NCOR1: variants seen among roughly 807,000 people sequenced by gnomAD.
NCOR1 encodes nuclear receptor corepressor 1.
Under a neutral mutation model 288.1 loss-of-function variants are expected in NCOR1, and 63 were observed. The observed-to-expected ratio is 0.22, with a 90% CI of 0.18 to 0.27. NCOR1 has a LOEUF of 0.27. NCOR1 is among the 10% of genes least tolerant of loss of function. The pLI, the probability that NCOR1 is intolerant of heterozygous loss-of-function variation, is 1.00. For synonymous variants in NCOR1, 1,007 were observed against 1,065.9 expected (o/e 0.94, Z 1.08); for missense variants, 2,397 against 3,019.2 (o/e 0.79, Z 4.83).
chr17:16,159,047 T>G (rs80034419), intron 5 of NCOR1, among the ~76,000 whole-genome samples, 174 bp from the exon 6 acceptor site: 1,694 of 151,852 alleles, frequency 0.011, 37 homozygotes, highest in African/African-American at 0.038. Context: ...TCAGATTTAT[T>G]TCATAACCAA....
intron 11 of NCOR1, among the ~76,000 whole-genome samples, chr17:16,140,992 T>C (rs1390323055): frequency 2.3e-5 from 3 of 129,976 alleles, no homozygotes; most frequent in Non-Finnish European, 4.7e-5. Flanking sequence ...CCCTATCTCC[T>C]ATCTCAAAAA....
At chr17:16,213,015 C>T (rs1406386023) in intron 1 of NCOR1, among the ~76,000 whole-genome samples, 1 of 140,154 alleles carries the variant, frequency 7.1e-6, no homozygotes, top group Non-Finnish European at 1.5e-5. Context: ...AAGGCTGCAG[C>T]GAGCCACTGT....
intron 45 of NCOR1, 132 bp downstream of exon 45, chr17:16,034,632 GA>G (rs1973736713): frequency 3.7e-6 from 3 of 818,798 alleles, no homozygotes; most frequent in Middle Eastern, 2.4e-4. Flanking sequence ...CGGGAAAGTG[GA>G]ACATATTAAT....
chr17:16,152,773 G>A lies in NCOR1; in HGVS notation c.789+566C>T, dbSNP rs534301937. 9.7e-4 allele frequency among the ~76,000 whole-genome samples: 147 copies of A among 152,290 alleles called. 3 individuals carry two copies. The highest frequency in any genetic ancestry group is 3.5e-4 in the Non-Finnish European group (24 of 68,018). On this transcript the variant is annotated intron_variant, in intron 7 of 45. Transcript: ENST00000268712. ...GAACTAGTTTACACTCCCACCAACA[G>A]TGTAAAAGCATTCCTATTTCTCCAC...
intron 23 of NCOR1, among the ~76,000 whole-genome samples, chr17:16,083,467 T>G (rs1427458730): frequency 6.6e-6 from 1 of 151,978 alleles, no homozygotes; most frequent in East Asian, 1.9e-4. Flanking sequence ...CTGAGAGATA[T>G]AGATATACAA....
At chr17:16,040,077 A>ACC (rs2057274461) in intron 43 of NCOR1, 1 of 457,182 alleles carries the variant, frequency 2.2e-6, no homozygotes, top group African/African-American at 2.0e-5. Context: ...GGCGTGAGCC[A>ACC]CCGCACCCAG....
intron 27 of NCOR1, among the ~76,000 whole-genome samples, chr17:16,075,069 C>T (rs1369611103): frequency 6.6e-6 from 1 of 152,108 alleles, no homozygotes; most frequent in African/African-American, 2.4e-5. Context: ...AGGGTTTCAC[C>T]GTGTTAGCCA....
chr17:16,031,995 G>A lies in NCOR1; in HGVS notation c.*301C>T. ...CAGAAGAGTGATTTAAAGACATTATGGTTTTCTTTACAGATGTAAGAACAG... is the reference window on the plus strand; with the variant it reads ...CAGAAGAGTGATTTAAAGACATTATAGTTTTCTTTACAGATGTAAGAACAG... On this transcript the variant is annotated 3_prime_UTR_variant, in exon 46 of 46. Coordinates refer to ENST00000268712, the MANE Select transcript of NCOR1 (RefSeq NM_006311.4). 2.8e-6 allele frequency: 1 copy of A among 359,624 alleles called. No individual in the cohort carries two copies. Among genetic ancestry groups the A allele is most frequent in the Non-Finnish European group, 5.0e-6 (1 of 200,344 alleles). 22.3% of individuals were successfully genotyped at this position (359,624 alleles called of 1,614,324 possible).
At chr17:16,040,351 T>G in intron 43 of NCOR1, 90 bp downstream of exon 43, 1 of 1,050,012 alleles carries the variant, frequency 9.5e-7, no homozygotes, top group South Asian at 1.3e-5. Flanking sequence ...GTCACTCCCC[T>G]GGTATACAGT....
At chr17:16,123,958 C>T (rs974756201) in intron 15 of NCOR1, among the ~76,000 whole-genome samples, 23 of 152,118 alleles carry the variant, frequency 1.5e-4, no homozygotes, top group Non-Finnish European at 2.5e-4. Flanking sequence ...TAAATAAAAG[C>T]TTGTTAAATA....
Position 16,039,441 on chromosome 17 carries a change from G to A in NCOR1, c.6947C>T (p.Pro2316Leu). The A allele has an allele frequency of 6.2e-7, 1 of 1,613,750 alleles. No individual in the cohort carries two copies. The highest frequency in any genetic ancestry group is 8.5e-7 in the Non-Finnish European group (1 of 1,179,886). ...ETRREEGDPS[P>L]HSGGVCKPKL... is the part of the protein sequence containing the mutation. ...TAAAATGAAAGCTGTACCTGAATGA[G>A]GTGATGGGTCCCCTTCCTCTCTTCG... Residue 2316 changes from proline (P) to leucine (L), a missense_variant, in exon 44 of 46, where the codon CCT (proline) becomes CTT (leucine). This residue lies in a region of NCOR1 where 1,872 missense variants were observed against 2,187.8 expected (regional missense o/e 0.86). Transcript: ENST00000268712.
At chr17:16,160,612 GA>G (rs1196037524) in intron 5 of NCOR1, among the ~76,000 whole-genome samples, 1 of 152,166 alleles carries the variant, frequency 6.6e-6, no homozygotes, top group African/African-American at 2.4e-5. Context: ...CCAACATGGT[GA>G]AATTCCTGCT....
intron 40 of NCOR1, among the ~76,000 whole-genome samples, chr17:16,056,308 C>CTTTTTTTTTTTTTTTTT (rs71299858): frequency 1.6e-4 from 15 of 96,012 alleles, no homozygotes; most frequent in South Asian, 4.0e-4. Context: ...TTCTTTTTAT[C>CTTTTTTTTTTTTTTTTT]TTTTTTTTTT....
chr17:16,211,498 AC>A (rs2092125852), intron 1 of NCOR1, among the ~76,000 whole-genome samples: 1 of 152,034 alleles, frequency 6.6e-6, no homozygotes, highest in African/African-American at 2.4e-5. Context: ...CTCCCAAAGT[AC>A]TAGGATTATA....
Position 16,148,002 on chromosome 17 carries a change from A to G in NCOR1, c.909+1449T>C, listed in dbSNP as rs138946195. 7.3e-3 allele frequency among the ~76,000 whole-genome samples: 1,107 copies of G among 152,318 alleles called. 6 individuals carry two copies. Among genetic ancestry groups the G allele is most frequent in the Non-Finnish European group, 0.012 (793 of 68,026 alleles). On this transcript the variant is annotated intron_variant, in intron 9 of 45. Coordinates refer to ENST00000268712, the MANE Select transcript of NCOR1 (RefSeq NM_006311.4). ...CTGGCTAATTTTGTATTTTTAGCAG[A>G]GACGGAGTTTCTCCATGTTGGTCAG... is the stretch of plus-strand genomic sequence containing the variant.
At chr17:16,109,288 G>A (rs2069473147) in intron 18 of NCOR1, among the ~76,000 whole-genome samples, 2 of 151,822 alleles carry the variant, frequency 1.3e-5, no homozygotes, top group African/African-American at 4.8e-5. Context: ...CTTGAAATGT[G>A]GAAGACATAA....
intron 26 of NCOR1, 129 bp from the exon 27 acceptor site, chr17:16,075,831 A>G: frequency 4.3e-6 from 4 of 930,934 alleles, no homozygotes; most frequent in East Asian, 2.6e-5. Flanking sequence ...GCACACATAC[A>G]TGAAAGGAAA....
intron 18 of NCOR1, among the ~76,000 whole-genome samples, chr17:16,109,351 C>T (rs1033271902): frequency 6.6e-5 from 10 of 151,808 alleles, no homozygotes; most frequent in South Asian, 2.1e-4. Flanking sequence ...CTAAATATAC[C>T]GGTACATTTC....
intron 18 of NCOR1, among the ~76,000 whole-genome samples, chr17:16,113,264 AT>A (rs1458804943): frequency 1.3e-5 from 2 of 151,984 alleles, no homozygotes; most frequent in African/African-American, 4.8e-5. Flanking sequence ...AAAAAAAAAA[AT>A]GACTTACTAA....
Sources: gnomAD v4.1 joint callset for allele counts (sites outside exome capture counted in the v4.1 genomes callset) on GRCh38, gnomAD v4.1.1 for gene constraint, gnomAD v4.1.1 regional missense constraint, MANE v1.5 for transcripts, NCBI Gene and HGNC (gene_info 2026-07-23, HGNC 2026-07-21) for gene names.